ZNF385D: variants seen among roughly 807,000 people sequenced by gnomAD.
The protein encoded by ZNF385D is zinc finger protein 385D, also known as zinc finger protein 659.
A neutral mutation model predicts 35.8 loss-of-function variants in ZNF385D; 15 were observed. The observed-to-expected ratio is 0.42, with a 90% CI of 0.28 to 0.64. ZNF385D has a LOEUF of 0.64. ZNF385D is among the 30% of genes least tolerant of loss of function. ZNF385D has a pLI of 0.23. For missense variants in ZNF385D, 474 were observed against 494.6 expected (o/e 0.96, Z 0.39); for synonymous variants, 212 against 186.8 (o/e 1.13, Z -1.10).
intron 3 of ZNF385D, among the ~76,000 whole-genome samples, chr3:21,851,139 G>A (rs974408341): frequency 1.4e-4 from 22 of 151,726 alleles, no homozygotes; most frequent in Non-Finnish European, 2.9e-4. Context: ...CAAATGGAAA[G>A]TACATTAAAA....
chr3:21,620,540 T>C (rs2064974746), intron 2 of ZNF385D, among the ~76,000 whole-genome samples: 1 of 152,258 alleles, frequency 6.6e-6, no homozygotes, highest in South Asian at 2.1e-4. Context: ...ATACTACCCA[T>C]ATGCCAGGGC....
chr3:21,810,998 G>GTATATATA (rs57333898), intron 3 of ZNF385D, among the ~76,000 whole-genome samples: 2 of 144,508 alleles, frequency 1.4e-5, no homozygotes, highest in African/African-American at 2.5e-5. Flanking sequence ...GTGTGTGTGT[G>GTATATATA]TATATATATA....
intron 3 of ZNF385D, among the ~76,000 whole-genome samples, chr3:21,551,181 T>C (rs2062556045): frequency 6.6e-6 from 1 of 152,164 alleles, no homozygotes; most frequent in African/African-American, 2.4e-5. Context: ...AGGTCTTCTC[T>C]CTAGGACAGG....
rs1285036965 is a variant in ZNF385D, at chr3:22,317,314, TAAAAG to T, written c.106+55131_106+55135del. ...AAAAAAAAAAAAAAAAAGGAAAAAA[TAAAAG>T]AAAAAAAAAGGAAATGCAATTGTCT... On this transcript the variant is annotated intron_variant, in intron 2 of 5. Transcript: ENST00000494108. Among the ~76,000 whole-genome samples the T allele has an allele frequency of 2.1e-4, 19 of 88,592 alleles. No homozygotes were observed. The East Asian group carries it at 4.4e-3, about 20-fold the overall frequency. The allele number at this position is 88,592 out of a possible 152,430, so 58.1% of individuals were successfully genotyped here. A position where few individuals can be genotyped will look rare whatever the true frequency, so the allele number is the denominator to read the frequency against.
chr3:22,358,311 A>G (rs921424975), intron 2 of ZNF385D, among the ~76,000 whole-genome samples: 1 of 151,914 alleles, frequency 6.6e-6, no homozygotes, highest in Non-Finnish European at 1.5e-5. Context: ...AGATCTCACC[A>G]TTGTTGAGAC....
chr3:21,789,181 A>T (rs1189508563), intron 3 of ZNF385D, among the ~76,000 whole-genome samples: 1 of 152,368 alleles, frequency 6.6e-6, no homozygotes, highest in East Asian at 1.9e-4. Context: ...AAGAAAACAT[A>T]AAATACTGAT....
chr3:22,300,381 G>C (rs868014631), intron 2 of ZNF385D, among the ~76,000 whole-genome samples: 54 of 104,698 alleles, frequency 5.2e-4, no homozygotes, highest in Middle Eastern at 8.2e-3. Flanking sequence ...GATTGGTCTG[G>C]GCAATGATTT....
intron 3 of ZNF385D, among the ~76,000 whole-genome samples, chr3:22,065,397 T>C (rs1358080273): frequency 7.9e-5 from 12 of 152,224 alleles, no homozygotes; most frequent in Admixed American, 7.9e-4. Flanking sequence ...CAAAGAATGA[T>C]GCCTGCTTTT....
intron 3 of ZNF385D, among the ~76,000 whole-genome samples, chr3:21,896,662 A>T (rs1009353653): frequency 2.0e-5 from 3 of 152,060 alleles, no homozygotes; most frequent in Non-Finnish European, 4.4e-5. Flanking sequence ...AAATTACAGT[A>T]TTATTTTTCT....
At chr3:21,826,821 T>TAA (rs55642872) in intron 3 of ZNF385D, among the ~76,000 whole-genome samples, 1 of 138,622 alleles carries the variant, frequency 7.2e-6, no homozygotes, top group Non-Finnish European at 1.6e-5. Context: ...ATCAGAAAAT[T>TAA]AAAAAAAAAA....
intron 3 of ZNF385D, among the ~76,000 whole-genome samples, chr3:22,143,743 A>G (rs940928897): frequency 1.3e-5 from 2 of 152,196 alleles, no homozygotes; most frequent in Non-Finnish European, 2.9e-5. Context: ...CTTAATTTAA[A>G]CAATTTTATT....
At chr3:22,244,520 A>G (rs949349131) in intron 2 of ZNF385D, among the ~76,000 whole-genome samples, 3 of 150,868 alleles carry the variant, frequency 2.0e-5, no homozygotes. Context: ...AACCCTTACT[A>G]CTTTGAATTG....
chr3:22,299,010 T>C (rs1702755817), intron 2 of ZNF385D, among the ~76,000 whole-genome samples: 1 of 151,950 alleles, frequency 6.6e-6, no homozygotes, highest in Non-Finnish European at 1.5e-5. Context: ...CCTTTTATGA[T>C]TACAATATAT....
intron 2 of ZNF385D, among the ~76,000 whole-genome samples, chr3:22,268,519 C>T (rs1701011679): frequency 6.6e-6 from 1 of 151,958 alleles, no homozygotes. Flanking sequence ...GCCACAACTA[C>T]TCACCCCATG....
Position 21,503,673 on chromosome 3 carries a change from C to T in ZNF385D, c.439+7188G>A, listed in dbSNP as rs143085805. 2.5e-3 allele frequency among the ~76,000 whole-genome samples: 382 copies of T among 152,222 alleles called. 1 individual carries two copies. Among genetic ancestry groups the T allele is most frequent in the African/African-American group, 8.7e-3 (363 of 41,564 alleles). ...AAATAAAAGAATCCAGATTTGTGACCTTAAAATTGACTGACCTTCCTATGA... is the reference window on the plus strand; with the variant it reads ...AAATAAAAGAATCCAGATTTGTGACTTTAAAATTGACTGACCTTCCTATGA... On this transcript the variant is annotated intron_variant, in intron 4 of 7. Transcript: ENST00000281523.
At chr3:22,167,907 A>G (rs1463182277) in intron 3 of ZNF385D, among the ~76,000 whole-genome samples, 1 of 152,226 alleles carries the variant, frequency 6.6e-6, no homozygotes, top group Non-Finnish European at 1.5e-5. Flanking sequence ...CTAAAATCAA[A>G]TAAATGAAAA....
chr3:21,879,252 AGT>A (rs893233771), intron 3 of ZNF385D, among the ~76,000 whole-genome samples: 1 of 151,936 alleles, frequency 6.6e-6, no homozygotes. Flanking sequence ...TTGACTCCAA[AGT>A]GTTTGTTTTC....
chr3:21,919,072 A>T (rs1023865256), intron 3 of ZNF385D, among the ~76,000 whole-genome samples: 2 of 152,220 alleles, frequency 1.3e-5, no homozygotes, highest in African/African-American at 4.8e-5. Flanking sequence ...TTCTCTAATA[A>T]CATTTGTTTG....
intron 6 of ZNF385D, among the ~76,000 whole-genome samples, chr3:21,424,317 A>ATATATATTTATATATATATATATATAT (rs1221923155): frequency 1.6e-5 from 1 of 63,812 alleles, no homozygotes; most frequent in African/African-American, 6.1e-5. Context: ...ATATATATAT[A>ATATATATTTATATATATATATATATAT]TTTTTTTTTT....
Sources: allele counts gnomAD v4.1 joint callset (sites outside exome capture counted in the v4.1 genomes callset), GRCh38; gene constraint gnomAD v4.1.1; transcripts MANE v1.5; gene names NCBI Gene and HGNC (gene_info 2026-07-23, HGNC 2026-07-21).